MOB4: variants seen among roughly 807,000 people sequenced by gnomAD.
MOB4 encodes the protein MOB-like protein phocein.
A neutral mutation model predicts 32.2 loss-of-function variants in MOB4; 4 were observed. The observed-to-expected ratio is 0.12, with a 90% CI of 0.06 to 0.28. MOB4 has a LOEUF of 0.28. Among genes scored for constraint, MOB4 ranks in the 10% least tolerant of loss-of-function variants. MOB4 has a pLI of 1.00. For synonymous variants in MOB4, 88 were observed against 88.1 expected (o/e 1.00, Z 0.01); for missense variants, 158 against 271.2 (o/e 0.58, Z 2.93).
intron 2 of MOB4, among the ~76,000 whole-genome samples, chr2:197,528,864 G>A (rs985819401): frequency 1.3e-5 from 2 of 151,824 alleles, no homozygotes; most frequent in Non-Finnish European, 2.9e-5. Flanking sequence ...TGATCTGCCC[G>A]CCTCGGCTTC....
Position 197,553,569 on chromosome 2 carries a change from A to T in MOB4, c.*2923A>T, listed in dbSNP as rs1156288101. ...TTTGCCCTACTGTCTATATGATGAC[A>T]TCTTTTTTGAGCAGCTAAATTTTAA... On this transcript the variant is annotated 3_prime_UTR_variant, in exon 8 of 8. Transcript: ENST00000323303. The T allele has an allele frequency of 6.6e-6, 1 of 152,228 alleles. No homozygotes were observed. Among genetic ancestry groups the T allele is most frequent in the Non-Finnish European group, 1.5e-5 (1 of 68,048 alleles). The allele number at this position is 152,228 out of a possible 1,614,324, so 9.4% of individuals were successfully genotyped here. A position where few individuals can be genotyped will look rare whatever the true frequency, so the allele number is the denominator to read the frequency against.
intron 2 of MOB4, among the ~76,000 whole-genome samples, chr2:197,526,666 G>A (rs1426225666): frequency 6.6e-6 from 1 of 152,158 alleles, no homozygotes; most frequent in Non-Finnish European, 1.5e-5. Flanking sequence ...TACTAGTGAA[G>A]TTGTTAGGCC....
chr2:197,545,542 AACAT>A (rs952271391), intron 5 of MOB4, among the ~76,000 whole-genome samples: 2 of 152,204 alleles, frequency 1.3e-5, no homozygotes, highest in African/African-American at 4.8e-5. Context: ...TAAAGGGAGA[AACAT>A]ACAGTACGGC....
intron 1 of MOB4, among the ~76,000 whole-genome samples, chr2:197,517,878 G>A (rs1218017881): frequency 6.6e-6 from 1 of 152,140 alleles, no homozygotes; most frequent in East Asian, 1.9e-4. Context: ...GGTGGCTCAC[G>A]CCTGTAATCC....
At chr2:197,523,738 A>G (rs1225994795) in intron 2 of MOB4, 52 bp downstream of exon 2, 48 of 1,543,726 alleles carry the variant, frequency 3.1e-5, no homozygotes, top group Non-Finnish European at 4.1e-5. Flanking sequence ...ACGATGTGTA[A>G]GTGCCCATTG....
chr2:197,534,709 A>T (rs1165742931), intron 2 of MOB4, among the ~76,000 whole-genome samples: 2 of 151,940 alleles, frequency 1.3e-5, no homozygotes, highest in Non-Finnish European at 2.9e-5. Context: ...CGCCTGGCTA[A>T]TTTTTTTGTA....
At chr2:197,533,769 A>G (rs1216920098) in intron 2 of MOB4, 1 of 492,712 alleles carries the variant, frequency 2.0e-6, no homozygotes, top group Non-Finnish European at 3.9e-6. Context: ...TTTCCCTGTC[A>G]TCATGGTGTG....
At chr2:197,516,243 C>G in intron 1 of MOB4, 97 bp downstream of exon 1, 1 of 1,516,232 alleles carries the variant, frequency 6.6e-7, no homozygotes, top group African/African-American at 1.4e-5. Flanking sequence ...GCCGAGGCGG[C>G]AGGCGGGCGG....
In MOB4 at chr2:197,528,768, A is replaced by G. The variant is rs558886996; in HGVS notation, c.123+5082A>G. Among the ~76,000 whole-genome samples the G allele has an allele frequency of 1.1e-4, 16 of 151,382 alleles. No homozygotes were observed. The South Asian group carries it at 2.9e-3, about 28-fold the overall frequency. On this transcript the variant is annotated intron_variant, in intron 2 of 7. Coordinates refer to ENST00000323303, the MANE Select transcript of MOB4 (RefSeq NM_015387.5). ...GTAGCTGGGACTACAGGCGCCCGCC[A>G]TCACCCCCGGCTAATTTTTTTGTAT...
Position 197,525,675 on chromosome 2 carries a change from A to G in MOB4, c.123+1989A>G, listed in dbSNP as rs185400538. 2.2e-3 allele frequency among the ~76,000 whole-genome samples: 338 copies of G among 150,482 alleles called. 1 individual carries two copies. The highest frequency in any genetic ancestry group is 7.9e-3 in the African/African-American group (321 of 40,860). Reference sequence around the variant, plus strand: ...GTTTATGGTGAGCTGTGATTGCACCACTGCACTCCAGGCTGGTGACAGAGA... The same window carrying G: ...GTTTATGGTGAGCTGTGATTGCACCGCTGCACTCCAGGCTGGTGACAGAGA... On this transcript the variant is annotated intron_variant, in intron 2 of 7. Transcript: ENST00000323303.
chr2:197,537,681 G>C (rs1399815153), intron 3 of MOB4, among the ~76,000 whole-genome samples: 1 of 152,150 alleles, frequency 6.6e-6, no homozygotes, highest in East Asian at 1.9e-4. Flanking sequence ...CGAGTCTGTA[G>C]ATATTTTCCC....
chr2:197,523,633 A>G lies in MOB4; in HGVS notation c.70A>G (p.Asn24Asp). ...GAATTTATTTTTATAGGATTTCTAT[A>G]ATTGGCCTGATGAATCCTTTGATGA... is the stretch of plus-strand genomic sequence containing the variant. ...RPGTKAQDFY[N>D]WPDESFDEMD... is the part of the protein sequence containing the mutation. The change falls in exon 2 of 8, where the codon AAT becomes GAT. Residue 24 changes from asparagine (N) to aspartate (D), a missense_variant. Coordinates refer to ENST00000323303, the MANE Select transcript of MOB4 (RefSeq NM_015387.5). The G allele has an allele frequency of 6.2e-7, 1 of 1,609,474 alleles. No individual in the cohort carries two copies. The highest frequency in any genetic ancestry group is 8.5e-7 in the Non-Finnish European group (1 of 1,178,992).
intron 2 of MOB4, among the ~76,000 whole-genome samples, chr2:197,524,328 CA>C (rs1216091160): frequency 6.6e-6 from 1 of 152,046 alleles, no homozygotes; most frequent in African/African-American, 2.4e-5. Flanking sequence ...GTCAGGATAT[CA>C]AGACCATCCT....
intron 1 of MOB4, among the ~76,000 whole-genome samples, chr2:197,520,278 G>A (rs2086491756): frequency 1.3e-5 from 2 of 151,490 alleles, no homozygotes; most frequent in African/African-American, 4.9e-5. Context: ...CGCTTCCTGG[G>A]TTTGCGCCCA....
At chr2:197,516,178 C>T in intron 1 of MOB4, 32 bp downstream of exon 1, 2 of 1,580,632 alleles carry the variant, frequency 1.3e-6, no homozygotes, top group Non-Finnish European at 1.7e-6. Flanking sequence ...TGTCGGGCAA[C>T]TAGGTGCCGA....
intron 1 of MOB4, among the ~76,000 whole-genome samples, chr2:197,519,015 C>G (rs905203067): frequency 1.3e-5 from 2 of 152,100 alleles, no homozygotes; most frequent in African/African-American, 2.4e-5. Context: ...GTCTCGGCCT[C>G]TGAAAGTGCT....
At chr2:197,520,020 A>G (rs531827527) in intron 1 of MOB4, among the ~76,000 whole-genome samples, 1 of 152,236 alleles carries the variant, frequency 6.6e-6, no homozygotes, top group East Asian at 1.9e-4. Context: ...TGTTTAAGAC[A>G]CTTAAAAAGG....
chr2:197,542,774 A>AT (rs951022312), intron 5 of MOB4, among the ~76,000 whole-genome samples: 2 of 152,142 alleles, frequency 1.3e-5, no homozygotes, highest in African/African-American at 2.4e-5. Flanking sequence ...ATATTTTGCC[A>AT]TTTTTTGCTG....
chr2:197,539,548 C>A lies in MOB4; in HGVS notation c.225-563C>A, dbSNP rs529298998. The stretch of plus-strand genomic sequence containing the variant: ...GGCCAGGATGGTCTTGAACTCCTGA[C>A]CTCAAGTGATTCACCTGCCTCGGCC... On this transcript the variant is annotated intron_variant, in intron 3 of 7. Transcript: ENST00000323303. 9.2e-5 allele frequency among the ~76,000 whole-genome samples: 14 copies of A among 152,186 alleles called. 1 individual carries two copies. Among genetic ancestry groups the A allele is most frequent in the Admixed American group, 8.5e-4 (13 of 15,280 alleles).
Sources: gnomAD v4.1 joint callset for allele counts (sites outside exome capture counted in the v4.1 genomes callset) on GRCh38, gnomAD v4.1.1 for gene constraint, MANE v1.5 for transcripts, NCBI Gene and HGNC (gene_info 2026-07-23, HGNC 2026-07-21) for gene names.